The following SAMD5 variants were observed in gnomAD, a reference collection of about 807,000 sequenced individuals.
The protein encoded by SAMD5 is sterile alpha motif domain containing 5, also known as sterile alpha motif domain-containing protein 5.
In SAMD5, 13 loss-of-function variants were observed where a neutral mutation model predicts 11.3. The ratio of observed to expected loss-of-function variants is 1.15; its 90% CI spans 0.75 to 1.83. The LOEUF (loss-of-function observed/expected upper bound fraction) is 1.83. Among genes scored for constraint, SAMD5 ranks in the 40% most tolerant of loss-of-function variants. The probability of loss-of-function intolerance (pLI) is 0.00; values close to 1 mark genes in which losing one functional copy is unlikely to be tolerated. For missense variants in SAMD5, 255 were observed against 239.1 expected, an observed-to-expected ratio of 1.07 and a Z score of -0.44; for synonymous variants, 129 against 111.3, an observed-to-expected ratio of 1.16 and a Z score of -1.00.
At chr6:147,510,166 G>A (rs915798194) in intron 1 of SAMD5, among the ~76,000 whole-genome samples, 1 of 152,188 alleles carries the variant, frequency 6.6e-6, no homozygotes, top group Non-Finnish European at 1.5e-5. Flanking sequence ...ATTTGGGAGA[G>A]GAGGACCGAG....
chr6:147,926,999 C>A, the SAMD5 span, among the ~76,000 whole-genome samples: 1 of 151,918 alleles, frequency 6.6e-6, no homozygotes, highest in Admixed American at 6.6e-5. Context: ...ATTTCTGGGT[C>A]CTCTATTCTG....
At chr6:147,924,238 A>C in the SAMD5 span, among the ~76,000 whole-genome samples, 2 of 152,138 alleles carry the variant, frequency 1.3e-5, no homozygotes, top group African/African-American at 4.8e-5. Flanking sequence ...ACTGATCATA[A>C]CAAACACTAG....
At chr6:147,703,732 G>C (rs1469924833) in intron 1 of SAMD5, among the ~76,000 whole-genome samples, 1 of 152,120 alleles carries the variant, frequency 6.6e-6, no homozygotes, top group Non-Finnish European at 1.5e-5. Flanking sequence ...GGAAGAGTAA[G>C]TACATTCCAT....
At chr6:147,687,061 A>G (rs538589213) in intron 1 of SAMD5, among the ~76,000 whole-genome samples, 1 of 152,234 alleles carries the variant, frequency 6.6e-6, no homozygotes, top group South Asian at 2.1e-4. Context: ...GTTTATATTG[A>G]ATTTGTAGAT....
At chr6:147,938,283 G>C in the SAMD5 span, among the ~76,000 whole-genome samples, 1 of 120,358 alleles carries the variant, frequency 8.3e-6, no homozygotes, top group African/African-American at 3.2e-5. Context: ...TTCATTAAAA[G>C]ATCAAAGAAC....
chr6:147,829,126 A>G, the SAMD5 span, among the ~76,000 whole-genome samples: 1 of 152,248 alleles, frequency 6.6e-6, no homozygotes, highest in Non-Finnish European at 1.5e-5. Context: ...GTTTAGGCCA[A>G]ATGGAAGTCC....
intron 1 of SAMD5, among the ~76,000 whole-genome samples, chr6:147,592,710 C>T (rs144133751): frequency 2.6e-5 from 4 of 151,928 alleles, no homozygotes; most frequent in African/African-American, 9.7e-5. Flanking sequence ...CCTCAGTCTG[C>T]TCTTCCGTAA....
chr6:147,856,682 C>CTG, the SAMD5 span, among the ~76,000 whole-genome samples: 3 of 152,124 alleles, frequency 2.0e-5, no homozygotes, highest in Non-Finnish European at 4.4e-5. Flanking sequence ...GCTCGCTGAG[C>CTG]CAAAGGATCC....
downstream of SAMD5, among the ~76,000 whole-genome samples, chr6:147,740,478 A>G (rs79367329): frequency 0.011 from 1,717 of 152,354 alleles, 30 homozygotes; most frequent in East Asian, 0.08. Flanking sequence ...TAGGATTCCA[A>G]TGTGAACAGG....
At chr6:147,520,781 T>G (rs533729557) in intron 1 of SAMD5, among the ~76,000 whole-genome samples, 31 of 152,330 alleles carry the variant, frequency 2.0e-4, no homozygotes, top group African/African-American at 6.3e-4. Context: ...TGGTGTGCAG[T>G]GTGATGTTTT....
At chr6:147,535,106 A>G (rs1418844253) in intron 1 of SAMD5, among the ~76,000 whole-genome samples, 1 of 152,126 alleles carries the variant, frequency 6.6e-6, no homozygotes, top group Non-Finnish European at 1.5e-5. Flanking sequence ...TAACATCTTA[A>G]TTTTAAGGTA....
chr6:147,766,654 A>G, the SAMD5 span, among the ~76,000 whole-genome samples: 2 of 152,246 alleles, frequency 1.3e-5, no homozygotes, highest in African/African-American at 4.8e-5. Context: ...AGAGAAAGTT[A>G]TTAAAGAATA....
At chr6:147,583,842 C>CACACAA (rs1404993117) in intron 1 of SAMD5, among the ~76,000 whole-genome samples, 4 of 151,760 alleles carry the variant, frequency 2.6e-5, no homozygotes, top group African/African-American at 7.2e-5. Flanking sequence ...CACACACACA[C>CACACAA]AAAATGGCTA....
chr6:147,804,069 G>A, the SAMD5 span, among the ~76,000 whole-genome samples: 2 of 151,678 alleles, frequency 1.3e-5, no homozygotes, highest in Non-Finnish European at 2.9e-5. Context: ...TTGGCCATGG[G>A]CCCATTCTTG....
At position 147,518,826 on chromosome 6, in the gene SAMD5, G is replaced by C. The variant is rs997372954; in HGVS notation, c.459+9439G>C. On this transcript the variant is annotated intron_variant, in intron 1 of 1. Coordinates refer to ENST00000367474, the MANE Select transcript of SAMD5 (RefSeq NM_001030060.3). ...TTTCTAAGTTTTATGAAAAAATGCTGTTTCAGATCAGCCACTGATTTGGAC... is the reference window on the plus strand; with the variant it reads ...TTTCTAAGTTTTATGAAAAAATGCTCTTTCAGATCAGCCACTGATTTGGAC... Among the ~76,000 whole-genome samples, 3 of 152,204 alleles carry C rather than the reference G, an allele frequency of 2.0e-5. No homozygotes were observed. In the South Asian group the frequency reaches 6.2e-4, roughly 32 times the overall value.
the SAMD5 span, among the ~76,000 whole-genome samples, chr6:147,808,161 C>A: frequency 6.6e-6 from 1 of 152,194 alleles, no homozygotes; most frequent in African/African-American, 2.4e-5. Flanking sequence ...AGGCCAACCA[C>A]TGAACAACTT....
At chr6:147,912,870 AAT>A in the SAMD5 span, among the ~76,000 whole-genome samples, 2 of 152,128 alleles carry the variant, frequency 1.3e-5, no homozygotes, top group Non-Finnish European at 2.9e-5. Flanking sequence ...AAATTATTAA[AAT>A]ATATGTACCT....
chr6:147,637,455 A>G lies in SAMD5; in HGVS notation c.163-99862A>G, dbSNP rs187300205. On this transcript the variant is annotated intron_variant, in intron 1 of 1. Coordinates refer to the SAMD5 transcript ENST00000566741. Reference sequence around the variant, plus strand: ...CACCCTCAGGGTTAAGGATGGAATGAAATACCTTCTATAAACAGACTTCTC... The same window carrying G: ...CACCCTCAGGGTTAAGGATGGAATGGAATACCTTCTATAAACAGACTTCTC... 1.7e-3 allele frequency among the ~76,000 whole-genome samples: 255 copies of G among 152,314 alleles called. 1 individual carries two copies. The highest frequency in any genetic ancestry group is 5.8e-3 in the African/African-American group (241 of 41,570).
the SAMD5 span, among the ~76,000 whole-genome samples, chr6:147,833,500 T>G: frequency 1.7e-3 from 256 of 152,304 alleles, no homozygotes; most frequent in African/African-American, 5.9e-3. Flanking sequence ...AAAAACCATA[T>G]TGATTTGACA....
Sources: allele counts gnomAD v4.1 joint callset (sites outside exome capture counted in the v4.1 genomes callset), GRCh38; gene constraint gnomAD v4.1.1; transcripts MANE v1.5; gene names NCBI Gene and HGNC (gene_info 2026-07-23, HGNC 2026-07-21).